Variants in RBFOX3 observed in about 807,000 individuals in gnomAD.
The protein encoded by RBFOX3 is RNA binding fox-1 homolog 3.
In RBFOX3, 17 loss-of-function variants were observed where a neutral mutation model predicts 48.7. The ratio of observed to expected loss-of-function variants is 0.35; its 90% CI spans 0.24 to 0.52. The LOEUF (loss-of-function observed/expected upper bound fraction) is 0.52, where lower values mean the gene tolerates loss of function less well. Ranked by LOEUF, RBFOX3 falls within the 20% of genes least tolerant of loss-of-function variation. The probability of loss-of-function intolerance (pLI) is 0.94; values close to 1 mark genes in which losing one functional copy is unlikely to be tolerated. For synonymous variants in RBFOX3, 212 were observed against 209.5 expected, an observed-to-expected ratio of 1.01 and a Z score of -0.10; for missense variants, 382 against 497.5, an observed-to-expected ratio of 0.77 and a Z score of 2.21.
At chr17:79,372,757 G>A (rs2058730170) in intron 2 of RBFOX3, among the ~76,000 whole-genome samples, 1 of 152,202 alleles carries the variant, frequency 6.6e-6, no homozygotes, top group East Asian at 1.9e-4. Context: ...GGCAGGGACT[G>A]TTGCCCACCT....
chr17:79,109,418 C>T lies in RBFOX3; in HGVS notation c.223-2630G>A, dbSNP rs552644807. On this transcript the variant is annotated intron_variant, in intron 5 of 14. Transcript: ENST00000693108. ...CTGACTCTGGCTCGACAGGGGTATG[C>T]GGGAGGCTCCTCCATCCAAGCCTGG... is the stretch of plus-strand genomic sequence containing the variant. 3.2e-4 allele frequency among the ~76,000 whole-genome samples: 49 copies of T among 152,296 alleles called. No individual in the cohort carries two copies. The South Asian group carries it at 9.5e-3, about 30-fold the overall frequency.
chr17:79,263,675 C>T (rs2066174871), intron 3 of RBFOX3, among the ~76,000 whole-genome samples: 1 of 152,124 alleles, frequency 6.6e-6, no homozygotes, highest in Non-Finnish European at 1.5e-5. Context: ...AGCCCAGGCT[C>T]CATGAGAGCT....
intron 2 of RBFOX3, among the ~76,000 whole-genome samples, chr17:79,346,924 A>G (rs1021331440): frequency 6.6e-6 from 1 of 152,212 alleles, no homozygotes; most frequent in Non-Finnish European, 1.5e-5. Flanking sequence ...ATAACTTGCT[A>G]TACTCTCCAG....
intron 4 of RBFOX3, among the ~76,000 whole-genome samples, chr17:79,163,359 C>A (rs1193925130): frequency 6.6e-6 from 1 of 152,192 alleles, no homozygotes; most frequent in Non-Finnish European, 1.5e-5. Flanking sequence ...GGACCCCAAG[C>A]CTTTGGAGAA....
chr17:79,648,826 C>A, the RBFOX3 span, among the ~76,000 whole-genome samples: 3 of 152,146 alleles, frequency 2.0e-5, no homozygotes, highest in Non-Finnish European at 4.4e-5. Context: ...ATGATACAAG[C>A]CGTTTCACAC....
At chr17:79,237,764 C>A (rs1453201353) in intron 3 of RBFOX3, among the ~76,000 whole-genome samples, 1 of 152,200 alleles carries the variant, frequency 6.6e-6, no homozygotes, top group Non-Finnish European at 1.5e-5. Flanking sequence ...GTTCTCCTCC[C>A]CAGTAAAATG....
intron 2 of RBFOX3, among the ~76,000 whole-genome samples, chr17:79,413,905 C>T (rs564134392): frequency 4.6e-5 from 7 of 150,898 alleles, no homozygotes; most frequent in East Asian, 3.9e-4. Flanking sequence ...CTCATACAGG[C>T]GGGTAGTGGT....
intron 2 of RBFOX3, among the ~76,000 whole-genome samples, chr17:79,449,697 G>C (rs559585097): frequency 1.3e-5 from 2 of 148,798 alleles, no homozygotes; most frequent in South Asian, 4.3e-4. Context: ...TCTGCTGGTG[G>C]ACGTTACATT....
chr17:79,343,028 T>C (rs1374353372), intron 2 of RBFOX3, among the ~76,000 whole-genome samples: 2 of 151,874 alleles, frequency 1.3e-5, no homozygotes, highest in Non-Finnish European at 2.9e-5. Flanking sequence ...ATATTTCAGA[T>C]TGAAGAGTGT....
intron 4 of RBFOX3, among the ~76,000 whole-genome samples, chr17:79,166,198 G>A (rs1362387998): frequency 6.6e-6 from 1 of 152,092 alleles, no homozygotes; most frequent in African/African-American, 2.4e-5. Flanking sequence ...AGACAAACTG[G>A]AGGATGCAAC....
chr17:79,275,890 G>A (rs1213560968), intron 3 of RBFOX3, among the ~76,000 whole-genome samples: 2 of 152,202 alleles, frequency 1.3e-5, no homozygotes, highest in East Asian at 1.9e-4. Context: ...CAAGAGAAAC[G>A]AAAATGTATG....
chr17:79,298,026 T>C (rs551460854), intron 3 of RBFOX3, among the ~76,000 whole-genome samples: 1 of 152,198 alleles, frequency 6.6e-6, no homozygotes, highest in Non-Finnish European at 1.5e-5. Flanking sequence ...GAAACACATT[T>C]GGGTTAAGTC....
chr17:79,426,578 C>T (rs1167738633), intron 2 of RBFOX3, among the ~76,000 whole-genome samples: 3 of 152,170 alleles, frequency 2.0e-5, no homozygotes, highest in African/African-American at 4.8e-5. Context: ...GATGAAGCCT[C>T]GGTGTGAACC....
At chr17:79,143,784 C>G (rs1052916973) in intron 4 of RBFOX3, among the ~76,000 whole-genome samples, 1 of 152,202 alleles carries the variant, frequency 6.6e-6, no homozygotes, top group Non-Finnish European at 1.5e-5. Flanking sequence ...GCCCTCGGAG[C>G]CCCTCCTGCA....
At chr17:79,531,437 C>T (rs965946222) in intron 1 of RBFOX3, among the ~76,000 whole-genome samples, 13 of 152,208 alleles carry the variant, frequency 8.5e-5, no homozygotes, top group Non-Finnish European at 1.5e-4. Flanking sequence ...TTTTCGGCAG[C>T]CAGTGAAGGA....
intron 1 of RBFOX3, among the ~76,000 whole-genome samples, chr17:79,490,681 C>T (rs1284871485): frequency 6.6e-6 from 1 of 150,914 alleles, no homozygotes; most frequent in African/African-American, 2.4e-5. Context: ...TGGGGCACAG[C>T]TGGGAACACC....
At chr17:79,172,238 G>T (rs921702421) in intron 4 of RBFOX3, among the ~76,000 whole-genome samples, 1 of 151,016 alleles carries the variant, frequency 6.6e-6, no homozygotes, top group Non-Finnish European at 1.5e-5. Context: ...CCCAAATGAG[G>T]ACATTTAAAA....
the RBFOX3 span, among the ~76,000 whole-genome samples, chr17:79,623,997 G>C: frequency 6.6e-6 from 1 of 152,164 alleles, no homozygotes; most frequent in South Asian, 2.1e-4. Flanking sequence ...CCAGAGACTA[G>C]AAGAGGCCCG....
rs2065673725 is a variant in RBFOX3 at position 79,418,044 on chromosome 17, A to T, written c.-175+64410T>A. Among the ~76,000 whole-genome samples the T allele has an allele frequency of 6.6e-6, 1 of 152,180 alleles. No individual in the cohort carries two copies. The highest frequency in any genetic ancestry group is 2.4e-5 in the African/African-American group (1 of 41,450). ...TTCAGAGACAGAAAGGAGAATGGAG[A>T]TGCCAGGGGCTGGGGAGATAGGAAG... is the stretch of plus-strand genomic sequence containing the variant. On this transcript the variant is annotated intron_variant, in intron 2 of 14. Coordinates refer to ENST00000693108, the MANE Select transcript of RBFOX3 (RefSeq NM_001350451.2). This position sits in a 1 kb window ranked among gnomAD's most constrained non-coding sequence, Gnocchi z 5.0.
Sources: allele counts gnomAD v4.1 joint callset (sites outside exome capture counted in the v4.1 genomes callset), GRCh38; gene constraint gnomAD v4.1.1; non-coding constraint Gnocchi (gnomAD v3.1); transcripts MANE v1.5; gene names NCBI Gene and HGNC (gene_info 2026-07-23, HGNC 2026-07-21).